CDH11: variants seen among roughly 807,000 people sequenced by gnomAD.
CDH11 encodes the protein cadherin-11.
In CDH11, 11 loss-of-function variants were observed where a neutral mutation model predicts 67.8. The ratio of observed to expected loss-of-function variants is 0.16; its 90% CI spans 0.10 to 0.27. The LOEUF is 0.27. Among genes scored for constraint, CDH11 ranks in the 10% least tolerant of loss-of-function variants. The pLI, the probability that CDH11 is intolerant of heterozygous loss-of-function variation, is 1.00. For synonymous variants in CDH11, 419 were observed against 400.0 expected (o/e 1.05, Z -0.57); for missense variants, 847 against 1,031.2 (o/e 0.82, Z 2.45).
chr16:65,022,372 C>T (rs2073446267), intron 2 of CDH11, among the ~76,000 whole-genome samples: 1 of 152,134 alleles, frequency 6.6e-6, no homozygotes, highest in African/African-American at 2.4e-5. Flanking sequence ...CAAATTATCT[C>T]TCTGACAAAA....
In CDH11 at chr16:65,047,339, A is replaced by AT. The variant is rs2073979032; in HGVS notation, c.-173+6464dup. On this transcript the variant is annotated intron_variant, in intron 2 of 12. Transcript: ENST00000268603. ...TCTGTAGACTCTTTTTCACCTTTTA[A>AT]TTTTTTTTGTTTGTTTTTGGTTTTT... 4.0e-5 allele frequency among the ~76,000 whole-genome samples: 6 copies of AT among 150,620 alleles called. No homozygotes were observed. In the South Asian group the frequency reaches 1.3e-3, roughly 32 times the overall value.
At chr16:65,015,261 A>G (rs563662780) in intron 2 of CDH11, among the ~76,000 whole-genome samples, 14 of 152,000 alleles carry the variant, frequency 9.2e-5, no homozygotes, top group African/African-American at 3.1e-4. Context: ...TGCAAGAGTA[A>G]GTAATATCAA....
intron 6 of CDH11, among the ~76,000 whole-genome samples, chr16:64,989,662 T>C (rs1321807235): frequency 6.6e-6 from 1 of 152,136 alleles, no homozygotes; most frequent in East Asian, 1.9e-4. Flanking sequence ...AATAGACCAT[T>C]GTGGGGAATG....
intron 1 of CDH11, among the ~76,000 whole-genome samples, chr16:65,088,220 C>T (rs950804116): frequency 2.6e-5 from 4 of 152,172 alleles, no homozygotes; most frequent in Non-Finnish European, 5.9e-5. Context: ...ACCGAATCAG[C>T]TGGCACCTTG....
At chr16:65,080,270 A>G (rs1413941473) in intron 1 of CDH11, among the ~76,000 whole-genome samples, 2 of 150,040 alleles carry the variant, frequency 1.3e-5, no homozygotes, top group Non-Finnish European at 2.9e-5. Context: ...TTTTCCTATT[A>G]TAAGTACAAA....
At chr16:65,092,667 G>A (rs942759496) in intron 1 of CDH11, among the ~76,000 whole-genome samples, 10 of 152,002 alleles carry the variant, frequency 6.6e-5, no homozygotes, top group African/African-American at 1.9e-4. Flanking sequence ...GTCCCCAGAT[G>A]TCTCCTGTGT....
intron 2 of CDH11, among the ~76,000 whole-genome samples, chr16:65,032,892 A>G (rs1440319569): frequency 6.6e-6 from 1 of 152,204 alleles, no homozygotes; most frequent in Non-Finnish European, 1.5e-5. Context: ...TAACGTTTCA[A>G]TAAGAAGCCT....
chr16:65,070,379 T>C (rs2142765546), intron 1 of CDH11, among the ~76,000 whole-genome samples: 1 of 152,272 alleles, frequency 6.6e-6, no homozygotes, highest in East Asian at 1.9e-4. Flanking sequence ...GGGCAAGTTT[T>C]GGAGTCTGAC....
At chr16:65,019,690 T>C (rs1025788883) in intron 2 of CDH11, among the ~76,000 whole-genome samples, 1 of 152,250 alleles carries the variant, frequency 6.6e-6, no homozygotes, top group Admixed American at 6.5e-5. Flanking sequence ...TATTCTGACA[T>C]ATGGGCCCAG....
At chr16:65,018,306 A>G (rs1285640191) in intron 2 of CDH11, among the ~76,000 whole-genome samples, 1 of 152,184 alleles carries the variant, frequency 6.6e-6, no homozygotes, top group Non-Finnish European at 1.5e-5. Context: ...TTGGCTCTAT[A>G]AGTCAACTTT....
chr16:65,011,986 T>G (rs1037277958), intron 2 of CDH11, among the ~76,000 whole-genome samples: 1 of 152,182 alleles, frequency 6.6e-6, no homozygotes, highest in African/African-American at 2.4e-5. Flanking sequence ...GTAATAACTT[T>G]TCAATGGCTC....
intron 1 of CDH11, among the ~76,000 whole-genome samples, chr16:65,076,292 G>A (rs893884600): frequency 1.3e-5 from 2 of 152,138 alleles, no homozygotes; most frequent in Admixed American, 1.3e-4. Flanking sequence ...AGGCATAACT[G>A]CCTTTGCTTC....
chr16:65,019,233 T>C (rs553309122), intron 2 of CDH11, among the ~76,000 whole-genome samples: 2 of 152,336 alleles, frequency 1.3e-5, no homozygotes, highest in Admixed American at 1.3e-4. Context: ...ATTTACAATT[T>C]GATTTTGGCA....
chr16:64,963,626 A>G (rs2071731036), intron 11 of CDH11, among the ~76,000 whole-genome samples: 1 of 152,146 alleles, frequency 6.6e-6, no homozygotes, highest in South Asian at 2.1e-4. Context: ...ATCAATGCCA[A>G]AAAGGAAGTC....
At chr16:64,980,257 A>C (rs781277776) in intron 8 of CDH11, among the ~76,000 whole-genome samples, 8 of 152,204 alleles carry the variant, frequency 5.3e-5, no homozygotes, top group South Asian at 2.1e-4. Context: ...CAACAGAAAA[A>C]AAAAAGAGAG....
chr16:65,041,218 A>G (rs778067669), intron 2 of CDH11, among the ~76,000 whole-genome samples: 1 of 152,074 alleles, frequency 6.6e-6, no homozygotes, highest in Middle Eastern at 3.2e-3. Flanking sequence ...TGTTTTCCGT[A>G]TTTTCTTTCT....
At chr16:65,082,756 A>G (rs994466438) in intron 1 of CDH11, among the ~76,000 whole-genome samples, 3 of 152,236 alleles carry the variant, frequency 2.0e-5, no homozygotes, top group Non-Finnish European at 4.4e-5. Flanking sequence ...AACTCACATC[A>G]GCTTGGAAAT....
At chr16:64,995,120 T>C (rs2072731030) in intron 4 of CDH11, among the ~76,000 whole-genome samples, 1 of 152,174 alleles carries the variant, frequency 6.6e-6, no homozygotes, top group Non-Finnish European at 1.5e-5. Context: ...CCCATGAGCA[T>C]AGAATGTTTT....
At position 65,121,775 on chromosome 16, in the gene CDH11, C is replaced by G. The variant is rs144137756; in HGVS notation, c.-298+105G>C. 3.9e-5 allele frequency: 27 copies of G among 699,010 alleles called. No individual in the cohort carries two copies. The African/African-American group carries it at 4.5e-4, about 12-fold the overall frequency. 43.3% of individuals were successfully genotyped at this position (699,010 alleles called of 1,614,324 possible). ...TCTCGACTCAGATACCACCGTCCCC[C>G]TCACCACCCCGCCCCGCCAAGACAT... On this transcript the variant is annotated intron_variant, in intron 1 of 12. Transcript: ENST00000268603. The surrounding 1 kb of genome is among the most constrained non-coding windows in gnomAD (Gnocchi z 4.1).
Sources: gnomAD v4.1 joint callset for allele counts (sites outside exome capture counted in the v4.1 genomes callset) on GRCh38, gnomAD v4.1.1 for gene constraint, Gnocchi (gnomAD v3.1) non-coding constraint, MANE v1.5 for transcripts, NCBI Gene and HGNC (gene_info 2026-07-23, HGNC 2026-07-21) for gene names.